REEP5: variants seen among roughly 807,000 people sequenced by gnomAD.
REEP5 encodes receptor accessory protein 5.
A neutral mutation model predicts 22.4 loss-of-function variants in REEP5; 24 were observed. That is an observed-to-expected ratio of 1.07 (90% confidence interval 0.78 to 1.51). The LOEUF is 1.51. REEP5 is among the 40% of genes most tolerant of loss of function. The pLI, the probability that REEP5 is intolerant of heterozygous loss-of-function variation, is 0.00. For missense variants in REEP5, 252 were observed against 233.0 expected (o/e 1.08, Z -0.53); for synonymous variants, 103 against 88.6 (o/e 1.16, Z -0.92).
intron 2 of REEP5, among the ~76,000 whole-genome samples, chr5:112,908,014 A>T (rs2150045950): frequency 6.6e-6 from 1 of 151,522 alleles, no homozygotes; most frequent in African/African-American, 2.4e-5. Flanking sequence ...TCCAATGAGT[A>T]TGTACTAAAA....
rs901818535 is a variant in REEP5, at chr5:112,877,209, G to T, written c.*1577C>A. The T allele has an allele frequency of 2.0e-5, 3 of 152,118 alleles. No individual in the cohort carries two copies. The highest frequency in any genetic ancestry group is 7.2e-5 in the African/African-American group (3 of 41,418). 9.4% of individuals were successfully genotyped at this position (152,118 alleles called of 1,614,324 possible). Reference sequence around the variant, plus strand: ...ATCCATATTATATTAGAGTGATACTGTCACTTAGTATTGATATCTTTAATA... The same window carrying T: ...ATCCATATTATATTAGAGTGATACTTTCACTTAGTATTGATATCTTTAATA... On this transcript the variant is annotated 3_prime_UTR_variant, in exon 5 of 5. Coordinates refer to ENST00000379638, the MANE Select transcript of REEP5 (RefSeq NM_005669.5).
intron 3 of REEP5, chr5:112,893,018 G>C (rs773182560): frequency 6.5e-7 from 1 of 1,536,152 alleles, no homozygotes; most frequent in Non-Finnish European, 8.9e-7. Flanking sequence ...AGGTGCCGAA[G>C]TCGTGGGAGG....
intron 3 of REEP5, chr5:112,892,102 A>C (rs712665): frequency 6.2e-7 from 1 of 1,613,158 alleles, no homozygotes; most frequent in East Asian, 2.2e-5. Flanking sequence ...TTTAGAAAAT[A>C]GTACCACATG....
chr5:112,921,315 G>C, intron 1 of REEP5, 59 bp from the exon 2 acceptor site: 2 of 1,527,490 alleles, frequency 1.3e-6, no homozygotes, highest in Non-Finnish European at 1.8e-6. Flanking sequence ...ACGCGGGACA[G>C]CCGCCGCCCA....
chr5:112,892,544 T>G (rs1768510338), intron 3 of REEP5: 2 of 1,614,102 alleles, frequency 1.2e-6, no homozygotes, highest in Non-Finnish European at 8.5e-7. Context: ...GGACGACAGC[T>G]GCAATGTGAA....
intron 3 of REEP5, chr5:112,891,904 G>A: frequency 1.5e-6 from 2 of 1,316,596 alleles, no homozygotes; most frequent in Non-Finnish European, 2.2e-6. Flanking sequence ...GAAGGCACAA[G>A]AAGAATTCAG....
intron 3 of REEP5, chr5:112,892,481 C>G (rs146170662): frequency 1.2e-6 from 2 of 1,614,094 alleles, no homozygotes; most frequent in Non-Finnish European, 1.7e-6. Flanking sequence ...CAGTACCAGT[C>G]GGAAGAAGAA....
At chr5:112,908,908 T>C (rs1269985867) in intron 2 of REEP5, among the ~76,000 whole-genome samples, 1 of 150,370 alleles carries the variant, frequency 6.7e-6, no homozygotes, top group African/African-American at 2.5e-5. Context: ...TGGTCAGATA[T>C]AATCTGTTTT....
Position 112,887,155 on chromosome 5 carries a change from G to A in REEP5, c.380C>T (p.Pro127Leu), listed in dbSNP as rs1415009098. The A allele has an allele frequency of 5.6e-6, 9 of 1,608,002 alleles. No homozygotes were observed. Among genetic ancestry groups the A allele is most frequent in the East Asian group, 4.5e-5 (2 of 44,852 alleles). ...KCGFLLWCMA[P>L]SPSNGAELLY... ...CAGTTCAGCCCCATTAGAAGGGCTC[G>A]GGGCCATGCACCACAACAGGAAGCC... The change falls in exon 4 of 5, where the codon CCG becomes CTG. Residue 127 changes from proline to leucine, a missense_variant. Coordinates refer to ENST00000379638, the MANE Select transcript of REEP5 (RefSeq NM_005669.5).
intron 3 of REEP5, among the ~76,000 whole-genome samples, chr5:112,898,879 T>A (rs999398017): frequency 1.3e-5 from 2 of 152,240 alleles, no homozygotes; most frequent in East Asian, 3.8e-4. Flanking sequence ...ATTTTTATTT[T>A]CTTCCATCAG....
intron 2 of REEP5, among the ~76,000 whole-genome samples, chr5:112,911,656 C>A (rs1301355227): frequency 6.6e-6 from 1 of 152,102 alleles, no homozygotes; most frequent in East Asian, 1.9e-4. Context: ...TTTTATATTT[C>A]TGTTTTGAGT....
intron 2 of REEP5, among the ~76,000 whole-genome samples, chr5:112,917,894 T>C (rs1769265697): frequency 6.6e-6 from 1 of 152,172 alleles, no homozygotes; most frequent in African/African-American, 2.4e-5. Flanking sequence ...TTTGGGGTGA[T>C]AAAAATGTTT....
At chr5:112,922,018 G>C in intron 1 of REEP5, 55 bp downstream of exon 1, 1 of 1,551,546 alleles carries the variant, frequency 6.4e-7, no homozygotes, top group South Asian at 1.2e-5. Context: ...CCCAGCAGCT[G>C]GGGCAGCGGC....
In REEP5 at chr5:112,902,417, A is replaced by G. The variant is rs772434816; in HGVS notation, c.314T>C (p.Ile105Thr). ...GTAGAAGGGGAACCATGACAGGAAG[A>G]TATCAGAGAAGAATTCAGCAATGCT... ...VFSIAEFFSD[I>T]FLSWFPFYYM... Residue 105 changes from isoleucine (I) to threonine (T), a missense_variant, in exon 3 of 5, where the codon ATC becomes ACC. Physicochemically the swap from Ile to Thr is moderately conservative, Grantham distance 89 (BLOSUM62 -1). Transcript: ENST00000379638. 6.8e-6 allele frequency: 11 copies of G among 1,613,290 alleles called. No homozygotes were observed. The highest frequency in any genetic ancestry group is 3.3e-5 in the Admixed American group (2 of 59,762).
At chr5:112,901,437 G>A (rs553331616) in intron 3 of REEP5, among the ~76,000 whole-genome samples, 43 of 152,182 alleles carry the variant, frequency 2.8e-4, no homozygotes, top group Non-Finnish European at 4.0e-4. Context: ...GTCCGGGCAC[G>A]GTGGCTCACG....
intron 2 of REEP5, among the ~76,000 whole-genome samples, chr5:112,910,666 G>A (rs1769082941): frequency 6.6e-6 from 1 of 152,086 alleles, no homozygotes; most frequent in African/African-American, 2.4e-5. Flanking sequence ...ACACTGCCTG[G>A]CAGTTAACTA....
intron 3 of REEP5, 22 bp from the exon 4 acceptor site, chr5:112,887,205 A>C: frequency 4.5e-6 from 7 of 1,554,112 alleles, no homozygotes; most frequent in Non-Finnish European, 6.1e-6. Flanking sequence ...AAGAGCCAGC[A>C]TGGGTAACAG....
At chr5:112,896,527 CA>C (rs1313196535) in intron 3 of REEP5, 3 of 151,266 alleles carry the variant, frequency 2.0e-5, no homozygotes, top group Non-Finnish European at 4.4e-5. Flanking sequence ...AACTCCATCT[CA>C]AAAAAAAGAA....
intron 2 of REEP5, among the ~76,000 whole-genome samples, chr5:112,914,524 G>A (rs981154612): frequency 3.3e-5 from 5 of 152,098 alleles, no homozygotes; most frequent in African/African-American, 7.2e-5. Flanking sequence ...TTGAATGATT[G>A]ATGGTAAAAA....
Sources: allele counts gnomAD v4.1 joint callset (sites outside exome capture counted in the v4.1 genomes callset), GRCh38; gene constraint gnomAD v4.1.1; transcripts MANE v1.5; gene names NCBI Gene and HGNC (gene_info 2026-07-23, HGNC 2026-07-21).